The following ACBD6 variants were observed in gnomAD, a reference collection of about 807,000 sequenced individuals.
The protein encoded by ACBD6 is acyl-CoA binding domain containing 6, also known as acyl-CoA-binding domain-containing protein 6.
A neutral mutation model predicts 37.2 loss-of-function variants in ACBD6; 28 were observed. The ratio of observed to expected loss-of-function variants is 0.75; its 90% CI spans 0.56 to 1.03. ACBD6 has a LOEUF of 1.03. ACBD6 is among the 50% of genes least tolerant of loss of function. The probability of loss-of-function intolerance (pLI) is 0.00; values close to 1 mark genes in which losing one functional copy is unlikely to be tolerated. For missense variants in ACBD6, 340 were observed against 337.4 expected, an observed-to-expected ratio of 1.01 and a Z score of -0.06; for synonymous variants, 113 against 126.8, an observed-to-expected ratio of 0.89 and a Z score of 0.73.
At chr1:180,481,946 A>G (rs1651063308) in intron 3 of ACBD6, among the ~76,000 whole-genome samples, 1 of 152,206 alleles carries the variant, frequency 6.6e-6, no homozygotes, top group Non-Finnish European at 1.5e-5. Flanking sequence ...CAAGTTCGAT[A>G]GTCAGGTGAA....
intron 5 of ACBD6, among the ~76,000 whole-genome samples, chr1:180,412,260 C>T (rs1334948150): frequency 6.6e-6 from 1 of 152,124 alleles, no homozygotes; most frequent in Admixed American, 6.5e-5. Context: ...CAATTCCAGA[C>T]ACCATTGACA....
At chr1:180,468,235 G>C (rs1650424412) in intron 3 of ACBD6, among the ~76,000 whole-genome samples, 1 of 152,176 alleles carries the variant, frequency 6.6e-6, no homozygotes, top group Admixed American at 6.6e-5. Context: ...TTGAACTTCT[G>C]GGCTTGCTAG....
At chr1:180,448,834 T>C (rs1356127276) in intron 3 of ACBD6, among the ~76,000 whole-genome samples, 1 of 152,230 alleles carries the variant, frequency 6.6e-6, no homozygotes, top group Non-Finnish European at 1.5e-5. Context: ...CTTTCATTTT[T>C]TTTAAAATAT....
intron 1 of ACBD6, among the ~76,000 whole-genome samples, chr1:180,497,682 T>C (rs1165986983): frequency 6.6e-6 from 1 of 152,212 alleles, no homozygotes; most frequent in African/African-American, 2.4e-5. Context: ...TAAAAAAAAT[T>C]AGTGAGAAAA....
At chr1:180,437,189 A>G (rs1460786017) in intron 3 of ACBD6, among the ~76,000 whole-genome samples, 1 of 152,162 alleles carries the variant, frequency 6.6e-6, no homozygotes, top group Non-Finnish European at 1.5e-5. Context: ...AAACTGGCAA[A>G]TGTGTTTCCC....
At chr1:180,478,491 C>CT (rs761173473) in intron 3 of ACBD6, among the ~76,000 whole-genome samples, 2,866 of 145,082 alleles carry the variant, frequency 0.02, 75 homozygotes, top group African/African-American at 0.062. Context: ...ATAAATCTCT[C>CT]TTTTTTTTTT....
At position 180,369,626 on chromosome 1, in the gene ACBD6, T is replaced by TA. The variant is rs530005500; in HGVS notation, c.663+27889dup. ...TTACTCAGTTTTTAAAATGTTAAAA[T>TA]AAAAAAAATTTCTAAAAAATAAAAA... On this transcript the variant is annotated intron_variant, in intron 6 of 7. Coordinates refer to ENST00000367595, the MANE Select transcript of ACBD6 (RefSeq NM_032360.4). Among the ~76,000 whole-genome samples, 1,326 of 152,008 alleles carry TA rather than the reference T, an allele frequency of 8.7e-3. 15 individuals are homozygous for TA. The highest frequency in any genetic ancestry group is 0.028 in the African/African-American group (1,173 of 41,442).
chr1:180,292,764 T>C (rs1156852432), intron 7 of ACBD6, among the ~76,000 whole-genome samples: 1 of 152,220 alleles, frequency 6.6e-6, no homozygotes, highest in Non-Finnish European at 1.5e-5. Context: ...TAATACAATG[T>C]TGGATCAAAG....
chr1:180,315,485 G>A (rs1191944040), intron 6 of ACBD6, among the ~76,000 whole-genome samples: 1 of 152,308 alleles, frequency 6.6e-6, no homozygotes, highest in African/African-American at 2.4e-5. Flanking sequence ...TAAGCACTTT[G>A]TAATATGCAT....
At chr1:180,347,018 T>C (rs909848610) in intron 6 of ACBD6, among the ~76,000 whole-genome samples, 4 of 79,290 alleles carry the variant, frequency 5.0e-5, no homozygotes, top group Admixed American at 3.2e-4. Context: ...CTTGTCTCAA[T>C]TACAAAAAAC....
chr1:180,373,416 A>G lies in ACBD6; in HGVS notation c.663+24100T>C, dbSNP rs555630667. On this transcript the variant is annotated intron_variant, in intron 6 of 7. Coordinates refer to ENST00000367595, the MANE Select transcript of ACBD6 (RefSeq NM_032360.4). ...AATCTAAGAGCATCAAGAAAAAAAC[A>G]TATCATCATCTAGGGAAAAGAGTAC... Among the ~76,000 whole-genome samples, 8 of 152,334 alleles carry G rather than the reference A, an allele frequency of 5.3e-5. 1 individual carries two copies. In the South Asian group the frequency reaches 1.0e-3, roughly 20 times the overall value.
chr1:180,285,368 A>G (rs1422786842), downstream of ACBD6, among the ~76,000 whole-genome samples: 1 of 152,184 alleles, frequency 6.6e-6, no homozygotes, highest in Non-Finnish European at 1.5e-5. Flanking sequence ...AAGTGAAAAT[A>G]GGTGCATCTC....
At chr1:180,310,572 A>G (rs973235041) in intron 7 of ACBD6, among the ~76,000 whole-genome samples, 1 of 152,230 alleles carries the variant, frequency 6.6e-6, no homozygotes, top group Non-Finnish European at 1.5e-5. Context: ...GCAGAGGAAT[A>G]GAGAGGCTAA....
chr1:180,314,707 T>C lies in ACBD6; in HGVS notation c.679A>G (p.Thr227Ala). The change falls in exon 7 of 8, where the codon ACA becomes GCA. Residue 227 changes from threonine (T) to alanine (A), a missense_variant. By Grantham distance (58) the Thr-to-Ala change is moderately conservative. Transcript: ENST00000367595. ...DINCQDNEGQ[T>A]ALHYASACEF... ...AACTTCTTACCATAATGTAGAGCTG[T>C]TTGGCCTTCATTGTCCTATAAAAGA... is the stretch of plus-strand genomic sequence containing the variant. 2.6e-6 allele frequency: 4 copies of C among 1,531,898 alleles called. No individual in the cohort carries two copies. Among genetic ancestry groups the C allele is most frequent in the Non-Finnish European group, 3.6e-6 (4 of 1,107,612 alleles). 94.9% of individuals were successfully genotyped at this position (1,531,898 alleles called of 1,614,324 possible).
At chr1:180,294,917 T>C (rs1649860957) in intron 7 of ACBD6, among the ~76,000 whole-genome samples, 2 of 152,064 alleles carry the variant, frequency 1.3e-5, no homozygotes, top group African/African-American at 4.8e-5. Flanking sequence ...AGGCTGGGTC[T>C]CGAACTCTTA....
chr1:180,469,902 T>C (rs1650493947), intron 3 of ACBD6, among the ~76,000 whole-genome samples: 1 of 152,150 alleles, frequency 6.6e-6, no homozygotes, highest in South Asian at 2.1e-4. Flanking sequence ...TACAAATTTG[T>C]TTTCTACATA....
At chr1:180,384,699 T>C (rs190137043) in intron 6 of ACBD6, among the ~76,000 whole-genome samples, 4 of 152,310 alleles carry the variant, frequency 2.6e-5, no homozygotes, top group Admixed American at 6.5e-5. Context: ...CACCTGCACT[T>C]TGATGTTCAC....
At chr1:180,363,290 T>C (rs1482482385) in intron 6 of ACBD6, among the ~76,000 whole-genome samples, 3 of 152,190 alleles carry the variant, frequency 2.0e-5, no homozygotes, top group African/African-American at 7.2e-5. Flanking sequence ...AAAGAATTCA[T>C]TATGTACAAA....
intron 6 of ACBD6, among the ~76,000 whole-genome samples, chr1:180,347,370 T>G (rs1285249683): frequency 6.7e-6 from 1 of 149,848 alleles, no homozygotes; most frequent in Non-Finnish European, 1.5e-5. Context: ...GTTTTTTTTT[T>G]TTTTTTTTTT....
Sources: gnomAD v4.1 joint callset for allele counts (sites outside exome capture counted in the v4.1 genomes callset) on GRCh38, gnomAD v4.1.1 for gene constraint, MANE v1.5 for transcripts, NCBI Gene and HGNC (gene_info 2026-07-23, HGNC 2026-07-21) for gene names.